Variants in KALRN observed in about 807,000 individuals in gnomAD.
The protein encoded by KALRN is kalirin.
In KALRN, 70 loss-of-function variants were observed where a neutral mutation model predicts 353.7. The ratio of observed to expected loss-of-function variants is 0.20; its 90% CI spans 0.16 to 0.24. KALRN has a LOEUF of 0.24. Among genes scored for constraint, KALRN ranks in the 10% least tolerant of loss-of-function variants. KALRN has a pLI of 1.00. For missense variants in KALRN, 2,791 were observed against 3,756.7 expected, an observed-to-expected ratio of 0.74 and a Z score of 6.72; for synonymous variants, 1,391 against 1,434.8, an observed-to-expected ratio of 0.97 and a Z score of 0.69.
Position 124,633,881 on chromosome 3 carries a change from G to C in KALRN, c.5496G>C (p.Pro1832=). ...AGAAAGGTTGGGGTGAAGATGAGCC[G>C]GATGAAGAGTCACACACACCCCTCC... ...ESKKGWGEDE[P]DEESHTPLPP... is the part of the protein sequence containing the mutation. Residue 1832 remains proline, a synonymous_variant, in exon 36 of 60, where the codon CCG becomes CCC. Coordinates refer to ENST00000682506, the MANE Select transcript of KALRN (RefSeq NM_001388419.1). The C allele has an allele frequency of 1.2e-6, 2 of 1,613,806 alleles. No homozygotes were observed. Among genetic ancestry groups the C allele is most frequent in the Non-Finnish European group, 1.7e-6 (2 of 1,179,904 alleles).
chr3:124,087,717 G>A (rs1010356832), intron 1 of KALRN, among the ~76,000 whole-genome samples: 1 of 152,108 alleles, frequency 6.6e-6, no homozygotes, highest in African/African-American at 2.4e-5. Context: ...TTCCTCTGGT[G>A]GCTGGGAGGG....
At chr3:124,448,071 T>C (rs902956986) in intron 21 of KALRN, among the ~76,000 whole-genome samples, 2 of 152,194 alleles carry the variant, frequency 1.3e-5, no homozygotes, top group African/African-American at 2.4e-5. Flanking sequence ...ATGAGATCCA[T>C]TGGTGTTCCT....
At chr3:124,381,372 A>G (rs1030633786) in intron 10 of KALRN, among the ~76,000 whole-genome samples, 2 of 152,180 alleles carry the variant, frequency 1.3e-5, no homozygotes, top group African/African-American at 2.4e-5. Context: ...AGCTGAAGGG[A>G]AAAAGTGTCA....
intron 1 of KALRN, among the ~76,000 whole-genome samples, chr3:124,222,799 T>A (rs1265108715): frequency 2.0e-5 from 3 of 151,956 alleles, no homozygotes; most frequent in Non-Finnish European, 4.4e-5. Flanking sequence ...TAGATAGGGT[T>A]TTGTCATGTT....
chr3:124,194,789 G>A lies in KALRN; in HGVS notation c.74-33201G>A, dbSNP rs1046553851. Among the ~76,000 whole-genome samples, 11 of 152,226 alleles carry A rather than the reference G, an allele frequency of 7.2e-5. No individual in the cohort carries two copies. The East Asian group carries it at 1.7e-3, about 24-fold the overall frequency. On this transcript the variant is annotated intron_variant, in intron 1 of 59. Coordinates refer to ENST00000682506, the MANE Select transcript of KALRN (RefSeq NM_001388419.1). ...AGGTACTGCCAGAGCCCTTGGATCC[G>A]TGTGGTTTCTCAGATTTCAGCTTGG...
chr3:124,204,399 C>G (rs1169386731), intron 1 of KALRN, among the ~76,000 whole-genome samples: 1 of 152,190 alleles, frequency 6.6e-6, no homozygotes, highest in East Asian at 1.9e-4. Flanking sequence ...AATTAAAACA[C>G]TAATTTCTTT....
At chr3:124,499,497 C>T (rs1196846256) in intron 33 of KALRN, among the ~76,000 whole-genome samples, 1 of 152,200 alleles carries the variant, frequency 6.6e-6, no homozygotes, top group African/African-American at 2.4e-5. Context: ...AATAAGACTG[C>T]ACAATTATTT....
Position 124,268,570 on chromosome 3 carries a change from C to T in KALRN, c.457-173C>T. ...TCAGCAGTCTGTAGAAACTGCTGAT[C>T]CTGACTGATCTGTGACTCCTGACCA... On this transcript the variant is annotated intron_variant, in intron 4 of 59. Coordinates refer to ENST00000682506, the MANE Select transcript of KALRN (RefSeq NM_001388419.1). 1.2e-5 allele frequency: 8 copies of T among 648,958 alleles called. No individual in the cohort carries two copies. In the South Asian group the frequency reaches 1.3e-4, roughly 11 times the overall value. 40.2% of individuals were successfully genotyped at this position (648,958 alleles called of 1,614,324 possible).
chr3:124,171,685 A>G (rs1026601034), intron 1 of KALRN, among the ~76,000 whole-genome samples: 1 of 152,198 alleles, frequency 6.6e-6, no homozygotes, highest in Middle Eastern at 3.2e-3. Flanking sequence ...TGATTTGGCT[A>G]TCTTATAAAC....
chr3:124,242,785 G>T (rs2080641966), intron 3 of KALRN, among the ~76,000 whole-genome samples: 1 of 152,148 alleles, frequency 6.6e-6, no homozygotes, highest in South Asian at 2.1e-4. Context: ...GACAACAGGG[G>T]TGGTGAGGGT....
chr3:124,195,928 T>G (rs1012120103), intron 1 of KALRN, among the ~76,000 whole-genome samples: 16 of 152,176 alleles, frequency 1.1e-4, no homozygotes, highest in African/African-American at 3.1e-4. Flanking sequence ...AGGAAGAAAT[T>G]CACAGAGGGA....
intron 11 of KALRN, among the ~76,000 whole-genome samples, chr3:124,389,927 A>G (rs2089072848): frequency 6.6e-6 from 1 of 152,244 alleles, no homozygotes; most frequent in Non-Finnish European, 1.5e-5. Context: ...AAGCAAAACT[A>G]TTCATCCCTA....
chr3:124,696,567 G>A (rs2062063614), intron 54 of KALRN, among the ~76,000 whole-genome samples: 1 of 152,130 alleles, frequency 6.6e-6, no homozygotes, highest in Non-Finnish European at 1.5e-5. Flanking sequence ...TTCAAATAGA[G>A]ACAGGGTCTC....
chr3:124,620,481 C>G (rs2079145180), intron 34 of KALRN, among the ~76,000 whole-genome samples: 1 of 152,152 alleles, frequency 6.6e-6, no homozygotes, highest in Non-Finnish European at 1.5e-5. Context: ...AATGTGTGTT[C>G]CCTCTCCAGA....
At chr3:124,101,912 G>A (rs1578072028) in intron 1 of KALRN, among the ~76,000 whole-genome samples, 1 of 152,020 alleles carries the variant, frequency 6.6e-6, no homozygotes, top group Non-Finnish European at 1.5e-5. Context: ...GTTAACTATT[G>A]CATATGTGTG....
chr3:124,113,915 A>C (rs1320181), intron 1 of KALRN, among the ~76,000 whole-genome samples: 146,002 of 152,320 alleles, frequency 0.96, 70,296 homozygotes, highest in East Asian at 1. Flanking sequence ...TCAACCACTT[A>C]AGGAGAGAAG....
chr3:124,043,487 G>T (rs2040149974), intron 1 of KALRN, among the ~76,000 whole-genome samples: 2 of 152,080 alleles, frequency 1.3e-5, no homozygotes, highest in African/African-American at 4.8e-5. Context: ...GTTCAGCTTT[G>T]GGCCAGAGGA....
intron 33 of KALRN, among the ~76,000 whole-genome samples, chr3:124,500,948 A>G (rs2064450232): frequency 1.3e-5 from 2 of 150,136 alleles, no homozygotes; most frequent in African/African-American, 4.9e-5. Context: ...GTGACAGCCA[A>G]ATATCTTCTT....
chr3:124,099,009 T>G (rs942906198), intron 1 of KALRN, among the ~76,000 whole-genome samples: 6 of 152,338 alleles, frequency 3.9e-5, no homozygotes, highest in African/African-American at 1.4e-4. Context: ...TCGTACATAT[T>G]TACGGGTACA....
Sources: allele counts gnomAD v4.1 joint callset (sites outside exome capture counted in the v4.1 genomes callset), GRCh38; gene constraint gnomAD v4.1.1; transcripts MANE v1.5; gene names NCBI Gene and HGNC (gene_info 2026-07-23, HGNC 2026-07-21).